RGS12: variants seen among roughly 807,000 people sequenced by gnomAD.
RGS12 encodes the protein regulator of G-protein signaling 12.
Under a neutral mutation model 120.1 loss-of-function variants are expected in RGS12, and 66 were observed. That is an observed-to-expected ratio of 0.55 (90% confidence interval 0.45 to 0.67). The LOEUF is 0.67. RGS12 is among the 30% of genes least tolerant of loss of function. RGS12 has a pLI of 0.00. For synonymous variants in RGS12, 827 were observed against 804.7 expected (o/e 1.03, Z -0.47); for missense variants, 1,859 against 1,957.7 (o/e 0.95, Z 0.95).
At chr4:3,439,229 G>A (rs562459984) in intron 17 of RGS12, among the ~76,000 whole-genome samples, 1 of 152,220 alleles carries the variant, frequency 6.6e-6, no homozygotes, top group South Asian at 2.1e-4. Context: ...CCCCCACTTG[G>A]TGGCAGGTGT....
chr4:3,316,821 C>G lies in RGS12; in HGVS notation c.651C>G (p.Asp217Glu), dbSNP rs552010061. The G allele has an allele frequency of 6.2e-7, 1 of 1,614,010 alleles. No individual in the cohort carries two copies. Among genetic ancestry groups the G allele is most frequent in the South Asian group, 1.1e-5 (1 of 91,090 alleles). Residue 217 changes from aspartate to glutamate, a missense_variant, in exon 2 of 18, where the codon GAC becomes GAG. Asp to Glu is a conservative substitution (Grantham distance 45). Transcript: ENST00000336727. ...SVFSIGLESH[D>E]DFALDASILN... is the part of the protein sequence containing the mutation. ...TCAGCATTGGACTAGAAAGTCATGACGATTTTGCATTGGATGCAAGTATTT... is the reference window on the plus strand; with the variant it reads ...TCAGCATTGGACTAGAAAGTCATGAGGATTTTGCATTGGATGCAAGTATTT...
At chr4:3,289,711 G>T (rs1311112194), upstream of RGS12, among the ~76,000 whole-genome samples, 2 of 151,992 alleles carry the variant, frequency 1.3e-5, no homozygotes, top group Non-Finnish European at 2.9e-5. Flanking sequence ...ATTTTCAAGG[G>T]TACATTATTA....
chr4:3,347,258 C>T (rs1321042524), intron 3 of RGS12, among the ~76,000 whole-genome samples: 5 of 152,086 alleles, frequency 3.3e-5, no homozygotes, highest in South Asian at 4.1e-4. Context: ...TCCTGGCTAA[C>T]GTGGTGAGAC....
chr4:3,369,426 C>T (rs1174052285), intron 3 of RGS12, among the ~76,000 whole-genome samples: 1 of 152,192 alleles, frequency 6.6e-6, no homozygotes, highest in Non-Finnish European at 1.5e-5. Flanking sequence ...CAACCCCAGA[C>T]CCCAGAGCCA....
intron 17 of RGS12, among the ~76,000 whole-genome samples, chr4:3,434,595 T>C (rs1724633094): frequency 6.6e-6 from 1 of 152,176 alleles, no homozygotes; most frequent in Non-Finnish European, 1.5e-5. Context: ...GTCCCGCCTT[T>C]AGCAGTCATC....
At chr4:3,407,629 C>G (rs1200471564) in intron 4 of RGS12, 1 of 152,278 alleles carries the variant, frequency 6.6e-6, no homozygotes, top group East Asian at 1.9e-4. Context: ...GGCACACTGA[C>G]TTATGTGGTC....
intron 4 of RGS12, among the ~76,000 whole-genome samples, chr4:3,392,610 T>G (rs1719616962): frequency 6.6e-6 from 1 of 152,356 alleles, no homozygotes; most frequent in African/African-American, 2.4e-5. Flanking sequence ...GCCTGTCATC[T>G]CAGAGACTGT....
chr4:3,296,363 T>C (rs554959397), intron 1 of RGS12, among the ~76,000 whole-genome samples: 18 of 152,032 alleles, frequency 1.2e-4, no homozygotes, highest in Non-Finnish European at 2.2e-4. Context: ...TTCTGTTTTT[T>C]TTTTTTGGTA....
chr4:3,416,167 C>G (rs749860874), intron 7 of RGS12, 46 bp downstream of exon 7: 1 of 1,606,826 alleles, frequency 6.2e-7, no homozygotes, highest in African/African-American at 1.3e-5. Flanking sequence ...GGCTAGGGCT[C>G]GGGGTATAGG....
At chr4:3,291,602 C>G (rs987662056), upstream of RGS12, among the ~76,000 whole-genome samples, 1 of 152,224 alleles carries the variant, frequency 6.6e-6, no homozygotes, top group Non-Finnish European at 1.5e-5. Context: ...CCGCCTCAGC[C>G]TCTCAAAGTG....
At chr4:3,400,715 T>TATTAGTAATACTC (rs200711384) in intron 4 of RGS12, among the ~76,000 whole-genome samples, 3 of 149,080 alleles carry the variant, frequency 2.0e-5, no homozygotes, top group African/African-American at 7.3e-5. Flanking sequence ...TGCTTATTAG[T>TATTAGTAATACTC]ATTAGTAATA....
intron 2 of RGS12, among the ~76,000 whole-genome samples, chr4:3,332,389 G>A (rs1289016573): frequency 6.6e-6 from 1 of 152,176 alleles, no homozygotes; most frequent in African/African-American, 2.4e-5. Flanking sequence ...GATGTTATTG[G>A]TAGTCACAGT....
intron 1 of RGS12, among the ~76,000 whole-genome samples, chr4:3,297,046 T>G (rs1723421342): frequency 6.6e-6 from 1 of 152,244 alleles, no homozygotes; most frequent in Non-Finnish European, 1.5e-5. Flanking sequence ...GGAACTCTTG[T>G]GTTAGAAGTT....
At chr4:3,386,642 G>A (rs1223307798) in intron 4 of RGS12, among the ~76,000 whole-genome samples, 1 of 152,138 alleles carries the variant, frequency 6.6e-6, no homozygotes, top group South Asian at 2.1e-4. Context: ...GAAGCTGTTT[G>A]TTAAGAGAAC....
Position 3,430,578 on chromosome 4 carries a change from C to T in RGS12, c.3737C>T (p.Ala1246Val). 1 of 1,612,870 alleles carries T rather than the reference C, an allele frequency of 6.2e-7. No homozygotes were observed. The highest frequency in any genetic ancestry group is 8.5e-7 in the Non-Finnish European group (1 of 1,179,956). The change falls in exon 17 of 18, where the codon GCC becomes GTC. Residue 1246 changes from alanine (A) to valine (V), a missense_variant. Physicochemically the swap from Ala to Val is moderately conservative, Grantham distance 64. This residue lies in a region of RGS12 where 517 missense variants were observed against 488.5 expected (regional missense o/e 1.06). Transcript: ENST00000336727. ...GCCAAGGGCTTTAGCAAGAGAAGCG[C>T]CACAGGCAACGGCCGGGAGAGCGCC... is the stretch of plus-strand genomic sequence containing the variant. ...AVAKGFSKRS[A>V]TGNGRESASQ...
At position 3,351,838 on chromosome 4, in the gene RGS12, AT is replaced by A. The variant is rs1245535057; in HGVS notation, c.1998+8786del. 4.6e-5 allele frequency among the ~76,000 whole-genome samples: 7 copies of A among 152,156 alleles called. No homozygotes were observed. In the South Asian group the frequency reaches 1.0e-3, roughly 23 times the overall value. ...AAGAATCCCATTTCATTTCTTATTA[AT>A]CTCTCAAGAGCAAAGAAAATCCTAT... On this transcript the variant is annotated intron_variant, in intron 3 of 17. Coordinates refer to ENST00000336727, the MANE Select transcript of RGS12 (RefSeq NM_001394154.1).
rs183078725 is a variant in RGS12, at chr4:3,407,143, C to T, written c.2021-6929C>T. 2.2e-3 allele frequency among the ~76,000 whole-genome samples: 329 copies of T among 152,272 alleles called. 1 individual carries two copies. The highest frequency in any genetic ancestry group is 2.5e-3 in the Non-Finnish European group (167 of 68,026). ...AGCACAAATTGCTGAAGTGGAGTAG[C>T]GTGTTGGGAGGCCGGGGTTCCATCT... On this transcript the variant is annotated intron_variant, in intron 4 of 17. Transcript: ENST00000336727.
At chr4:3,292,762 C>T (rs1723101901), upstream of RGS12, among the ~76,000 whole-genome samples, 1 of 152,220 alleles carries the variant, frequency 6.6e-6, no homozygotes, top group African/African-American at 2.4e-5. Context: ...GCACCAGCGC[C>T]GCCGCGCCCC....
chr4:3,327,682 C>T (rs1347782003), intron 2 of RGS12, among the ~76,000 whole-genome samples: 1 of 152,198 alleles, frequency 6.6e-6, no homozygotes, highest in Non-Finnish European at 1.5e-5. Flanking sequence ...TGCCCAATAT[C>T]ACTAATCATG....
Sources: gnomAD v4.1 joint callset for allele counts (sites outside exome capture counted in the v4.1 genomes callset) on GRCh38, gnomAD v4.1.1 for gene constraint, gnomAD v4.1.1 regional missense constraint, MANE v1.5 for transcripts, NCBI Gene and HGNC (gene_info 2026-07-23, HGNC 2026-07-21) for gene names.